Variants in ZNF771 observed in about 807,000 individuals in gnomAD.
The protein encoded by ZNF771 is mesenchymal stem cell protein DSC43.
A neutral mutation model predicts 27.6 loss-of-function variants in ZNF771; 10 were observed. The ratio of observed to expected loss-of-function variants is 0.36; its 90% confidence interval spans 0.22 to 0.61. ZNF771 has a LOEUF of 0.61. Ranked by LOEUF, ZNF771 falls within the 20% of genes least tolerant of loss-of-function variation. ZNF771 has a pLI of 0.70. For missense variants in ZNF771, 438 were observed against 503.7 expected (o/e 0.87, Z 1.25); for synonymous variants, 261 against 225.2 (o/e 1.16, Z -1.43).
chr16:30,409,530 T>C (rs11150586), intron 2 of ZNF771, among the ~76,000 whole-genome samples: 97,424 of 152,070 alleles, frequency 0.64, 31,591 homozygotes, highest in East Asian at 0.93. Flanking sequence ...GCCCCCAGCC[T>C]GAGCAGCCCT....
intron 2 of ZNF771, among the ~76,000 whole-genome samples, chr16:30,410,813 A>C (rs1047705701): frequency 2.3e-5 from 3 of 127,908 alleles, no homozygotes; most frequent in African/African-American, 8.8e-5. Context: ...TGAGCCCAGG[A>C]GTTCGATTCC....
intron 2 of ZNF771, among the ~76,000 whole-genome samples, chr16:30,414,946 CTTTTT>C (rs71149016): frequency 7.1e-4 from 42 of 59,446 alleles, no homozygotes; most frequent in African/African-American, 3.2e-3. Context: ...CGCCCGGCCT[CTTTTT>C]TTTTTTTTTT....
intron 2 of ZNF771, chr16:30,414,619 GGTC>G (rs1204353984): frequency 6.6e-6 from 1 of 151,888 alleles, no homozygotes; most frequent in Non-Finnish European, 1.5e-5. Flanking sequence ...GATTTCTCTT[GGTC>G]ACTAATTTTC....
At chr16:30,412,109 C>A (rs1373256854) in intron 2 of ZNF771, among the ~76,000 whole-genome samples, 1 of 152,170 alleles carries the variant, frequency 6.6e-6, no homozygotes, top group African/African-American at 2.4e-5. Flanking sequence ...TTCATCCCCT[C>A]GACACCTATC....
chr16:30,415,939 C>T (rs2050131747), intron 2 of ZNF771, among the ~76,000 whole-genome samples: 1 of 152,146 alleles, frequency 6.6e-6, no homozygotes, highest in Non-Finnish European at 1.5e-5. Flanking sequence ...AATGTTTTCC[C>T]TTCATGTGCC....
intron 1 of ZNF771, 159 bp from the exon 2 acceptor site, chr16:30,407,886 G>A: frequency 1.7e-6 from 1 of 572,608 alleles, no homozygotes; most frequent in Non-Finnish European, 3.1e-6. Context: ...CCAGAGCGTG[G>A]GGCCGGGCTG....
chr16:30,411,759 TG>T (rs1420917045), intron 2 of ZNF771, among the ~76,000 whole-genome samples: 1 of 152,188 alleles, frequency 6.6e-6, no homozygotes, highest in African/African-American at 2.4e-5. Context: ...TAGCTTGCTG[TG>T]GGCCTTCCTG....
chr16:30,412,700 G>C (rs1298296939), intron 2 of ZNF771, among the ~76,000 whole-genome samples: 1 of 152,102 alleles, frequency 6.6e-6, no homozygotes, highest in Non-Finnish European at 1.5e-5. Context: ...GTTGAGTCAG[G>C]AGGATTGCTT....
At chr16:30,416,920 TAAAA>T (rs34982677) in intron 2 of ZNF771, among the ~76,000 whole-genome samples, 2 of 100,826 alleles carry the variant, frequency 2.0e-5, no homozygotes, top group Non-Finnish European at 2.0e-5. Context: ...CCCTGTCTCT[TAAAA>T]AAAAAAAAAA....
chr16:30,418,096 A>T lies in ZNF771; in HGVS notation c.683A>T (p.Glu228Val), dbSNP rs1484907417. 9.5e-6 allele frequency: 14 copies of T among 1,480,782 alleles called. No homozygotes were observed. Among genetic ancestry groups the T allele is most frequent in the African/African-American group, 2.9e-5 (2 of 67,914 alleles). 91.7% of individuals were successfully genotyped at this position (1,480,782 alleles called of 1,614,324 possible). The change falls in exon 3 of 3, where the codon GAG becomes GTG. Residue 228 changes from glutamate (E) to valine (V), a missense_variant. Coordinates refer to ENST00000319296, the MANE Select transcript of ZNF771 (RefSeq NM_001142305.2). Reference sequence around the variant, plus strand: ...AAGCACCGGCGCGTGCACACGGGCGAGAAGCCGCACCGCTGCGCTGTGTGT... The same window carrying T: ...AAGCACCGGCGCGTGCACACGGGCGTGAAGCCGCACCGCTGCGCTGTGTGT... Reference protein sequence around the residue: ...LAKHRRVHTGEKPHRCAVCGR... With the variant: ...LAKHRRVHTGVKPHRCAVCGR...
At chr16:30,408,257 CAGAT>C (rs1319658318) in intron 2 of ZNF771, 63 bp downstream of exon 2, 6 of 1,608,552 alleles carry the variant, frequency 3.7e-6, no homozygotes, top group Admixed American at 3.4e-5. Flanking sequence ...CAGCCTCCCT[CAGAT>C]AGAAGCCAGG....
rs1261406336 is a variant in ZNF771, at chr16:30,418,187, C to T, written c.774C>T (p.Pro258=). The part of the protein sequence containing the change: ...EHARTHTGER[P]YPCAECGRRF... ...CGCGCACGCACACAGGCGAGCGGCC[C>T]TACCCCTGCGCCGAGTGCGGCCGCC... The change falls in exon 3 of 3, where the codon CCC becomes CCT. Residue 258 remains proline (P), a synonymous_variant. Transcript: ENST00000319296. 45 of 1,502,298 alleles carry T rather than the reference C, an allele frequency of 3.0e-5. No homozygotes were observed. Among genetic ancestry groups the T allele is most frequent in the Non-Finnish European group, 3.6e-5 (41 of 1,132,670 alleles). The allele number at this position is 1,502,298 out of a possible 1,614,324, so 93.1% of individuals were successfully genotyped here. A position where few individuals can be genotyped will look rare whatever the true frequency, so the allele number is the denominator to read the frequency against.
chr16:30,411,155 C>T (rs2050101765), intron 2 of ZNF771, among the ~76,000 whole-genome samples: 1 of 152,002 alleles, frequency 6.6e-6, no homozygotes, highest in Non-Finnish European at 1.5e-5. Context: ...CCCATCTCTA[C>T]TAAAAATACA....
intron 1 of ZNF771, 50 bp from the exon 2 acceptor site, chr16:30,407,995 G>A: frequency 3.3e-6 from 3 of 902,908 alleles, no homozygotes; most frequent in Non-Finnish European, 4.7e-6. Flanking sequence ...GGCGGGGGGG[G>A]GGGTGGGGGG....
At chr16:30,407,965 G>C (rs1337796360) in intron 1 of ZNF771, 80 bp from the exon 2 acceptor site, 1 of 1,150,480 alleles carries the variant, frequency 8.7e-7, no homozygotes, top group Non-Finnish European at 1.2e-6. Flanking sequence ...GCACTGCCTT[G>C]CTGGGCCAGG....
chr16:30,407,961 C>A, intron 1 of ZNF771, 84 bp from the exon 2 acceptor site: 2 of 1,046,626 alleles, frequency 1.9e-6, no homozygotes, highest in Non-Finnish European at 2.6e-6. Flanking sequence ...GGCTGCACTG[C>A]CTTGCTGGGC....
chr16:30,411,478 G>T (rs898101971), intron 2 of ZNF771, among the ~76,000 whole-genome samples: 5 of 152,196 alleles, frequency 3.3e-5, no homozygotes, highest in Admixed American at 3.3e-4. Flanking sequence ...GAGCCAAGGG[G>T]TATGTGCGGT....
In ZNF771 at chr16:30,417,877, G is replaced by A. The variant is rs1359491055; in HGVS notation, c.464G>A (p.Arg155His). The A allele has an allele frequency of 7.9e-6, 12 of 1,509,686 alleles. No individual in the cohort carries two copies. The highest frequency in any genetic ancestry group is 2.9e-5 in the African/African-American group (2 of 69,102). The allele number at this position is 1,509,686 out of a possible 1,614,324, so 93.5% of individuals were successfully genotyped here. A position where few individuals can be genotyped will look rare whatever the true frequency, so the allele number is the denominator to read the frequency against. The change falls in exon 3 of 3, where the codon CGC becomes CAC. Residue 155 changes from arginine to histidine, a missense_variant. Physicochemically the swap from Arg to His is conservative, Grantham distance 29 (BLOSUM62 0). Around this residue, in one of 3 missense-constraint regions of ZNF771, gnomAD observed 305 missense variants for 308.0 expected, o/e 0.99. Transcript: ENST00000319296. ...TACGCATGCGCGCACTGCGGCCGCC[G>A]CTTCGCGCAGAGCTCCAACTACGCA... The part of the protein sequence containing the change: ...KPYACAHCGR[R>H]FAQSSNYAQH...
intron 2 of ZNF771, among the ~76,000 whole-genome samples, chr16:30,415,263 T>G (rs1017688738): frequency 6.6e-6 from 1 of 151,944 alleles, no homozygotes; most frequent in African/African-American, 2.4e-5. Context: ...TGGCTTATTT[T>G]CTAATTTCTG....
Sources: gnomAD v4.1 joint callset for allele counts (sites outside exome capture counted in the v4.1 genomes callset) on GRCh38, gnomAD v4.1.1 for gene constraint, gnomAD v4.1.1 regional missense constraint, MANE v1.5 for transcripts, NCBI Gene and HGNC (gene_info 2026-07-23, HGNC 2026-07-21) for gene names.